BTLA: variants seen among roughly 807,000 people sequenced by gnomAD.
BTLA encodes the protein B- and T-lymphocyte attenuator.
Under a neutral mutation model 25.0 loss-of-function variants are expected in BTLA, and 11 were observed. The ratio of observed to expected loss-of-function variants is 0.44; its 90% CI spans 0.28 to 0.73. The LOEUF is 0.73. Ranked by LOEUF, BTLA falls within the 30% of genes least tolerant of loss-of-function variation. The pLI is 0.15. For missense variants in BTLA, 282 were observed against 332.8 expected (o/e 0.85, Z 1.19); for synonymous variants, 104 against 119.8 (o/e 0.87, Z 0.86).
chr3:112,481,166 C>T (rs954087101), intron 1 of BTLA, among the ~76,000 whole-genome samples: 2 of 152,190 alleles, frequency 1.3e-5, no homozygotes, highest in Non-Finnish European at 2.9e-5. Context: ...TCAGCACTCA[C>T]AAGTTGGAGA....
rs1011127994 is a variant in BTLA at position 112,464,013 on chromosome 3, T to C, written c.*2095A>G. 1.5e-5 allele frequency: 6 copies of C among 389,884 alleles called. No homozygotes were observed. The Admixed American group carries it at 2.2e-4, about 14-fold the overall frequency. 24.2% of individuals were successfully genotyped at this position (389,884 alleles called of 1,614,324 possible). A position where few individuals can be genotyped will look rare whatever the true frequency, so the allele number is the denominator to read the frequency against. On this transcript the variant is annotated 3_prime_UTR_variant, in exon 5 of 5. Transcript: ENST00000334529. ...AACTTTACCTTCTCATTGAGCACAA[T>C]CACAAGCTTAAAATTTGTGAAAAAC...
chr3:112,479,983 C>T (rs2082309378), intron 1 of BTLA, among the ~76,000 whole-genome samples: 1 of 151,692 alleles, frequency 6.6e-6, no homozygotes. Flanking sequence ...CTCTGTCTGT[C>T]AGGCCTTTGA....
intron 1 of BTLA, among the ~76,000 whole-genome samples, chr3:112,496,255 G>T (rs935038353): frequency 1.6e-4 from 24 of 152,290 alleles, no homozygotes; most frequent in African/African-American, 4.8e-4. Flanking sequence ...AGCATGATCT[G>T]CCCATGAAGG....
At chr3:112,466,483 C>G in intron 4 of BTLA, 100 bp from the exon 5 acceptor site, 19 of 1,115,004 alleles carry the variant, frequency 1.7e-5, no homozygotes, top group Non-Finnish European at 2.3e-5. Context: ...GAGTCATGTC[C>G]ATTGTGAGAA....
chr3:112,478,896 C>T (rs573937309), intron 2 of BTLA, among the ~76,000 whole-genome samples: 60 of 152,152 alleles, frequency 3.9e-4, no homozygotes, highest in African/African-American at 1.3e-3. Flanking sequence ...AGGCCTCTTT[C>T]GGGGAACAGG....
chr3:112,476,777 G>A (rs1372249239), intron 2 of BTLA, among the ~76,000 whole-genome samples: 2 of 152,046 alleles, frequency 1.3e-5, no homozygotes, highest in East Asian at 1.9e-4. Context: ...ACGTGACTAC[G>A]ATCTAGATTC....
chr3:112,471,413 C>T lies in BTLA; in HGVS notation c.404-58G>A, dbSNP rs373275569. On this transcript the variant is annotated intron_variant, in intron 2 of 4. Coordinates refer to ENST00000334529, the MANE Select transcript of BTLA (RefSeq NM_181780.4). ...GAAATCTGAGATATATTGGGATCAG[C>T]GGCACCCCTCTGCATTGTCAGAACT... 3.3e-5 allele frequency: 51 copies of T among 1,554,860 alleles called. 1 individual carries two copies. Among genetic ancestry groups the T allele is most frequent in the East Asian group, 1.1e-4 (5 of 44,296 alleles).
intron 1 of BTLA, among the ~76,000 whole-genome samples, chr3:112,497,267 A>T (rs2082414326): frequency 6.6e-6 from 1 of 152,186 alleles, no homozygotes; most frequent in Non-Finnish European, 1.5e-5. Flanking sequence ...CACTTTACCC[A>T]TATTATTGCA....
At chr3:112,469,362 C>G (rs1004263170) in intron 4 of BTLA, among the ~76,000 whole-genome samples, 1 of 152,024 alleles carries the variant, frequency 6.6e-6, no homozygotes. Flanking sequence ...TTCATCAGCT[C>G]CCTACTCTCT....
Position 112,464,154 on chromosome 3 carries a change from A to G in BTLA, c.*1954T>C, listed in dbSNP as rs1369811035. ...AAAATGCATGTATGTCTCTGACACCATTTTGAAAAGGAATAAAAACATAAA... is the reference window on the plus strand; with the variant it reads ...AAAATGCATGTATGTCTCTGACACCGTTTTGAAAAGGAATAAAAACATAAA... On this transcript the variant is annotated 3_prime_UTR_variant, in exon 5 of 5. Coordinates refer to ENST00000334529, the MANE Select transcript of BTLA (RefSeq NM_181780.4). 2 of 397,942 alleles carry G rather than the reference A, an allele frequency of 5.0e-6. No homozygotes were observed. The highest frequency in any genetic ancestry group is 8.9e-6 in the Non-Finnish European group (2 of 225,740). The allele number at this position is 397,942 out of a possible 1,614,324, so 24.7% of individuals were successfully genotyped here.
At chr3:112,489,056 A>T (rs1484686723) in intron 1 of BTLA, among the ~76,000 whole-genome samples, 1 of 152,216 alleles carries the variant, frequency 6.6e-6, no homozygotes, top group Non-Finnish European at 1.5e-5. Context: ...GTGGGCTAAA[A>T]GGCACTGAGG....
At chr3:112,498,111 G>A (rs1026001311) in intron 1 of BTLA, among the ~76,000 whole-genome samples, 2 of 152,136 alleles carry the variant, frequency 1.3e-5, no homozygotes, top group African/African-American at 4.8e-5. Context: ...ACTACTTCTT[G>A]CGAAAATGCT....
At chr3:112,489,491 A>G (rs1412090717) in intron 1 of BTLA, among the ~76,000 whole-genome samples, 1 of 152,224 alleles carries the variant, frequency 6.6e-6, no homozygotes, top group African/African-American at 2.4e-5. Context: ...CCATTGAAAA[A>G]TTCTTACAAA....
At chr3:112,474,014 A>T (rs776912681) in intron 2 of BTLA, among the ~76,000 whole-genome samples, 1 of 151,968 alleles carries the variant, frequency 6.6e-6, no homozygotes, top group South Asian at 2.1e-4. Flanking sequence ...AGCTCTGTCA[A>T]CTTTTCCCCT....
At chr3:112,499,488 A>AAC, upstream of BTLA, 1 of 640,974 alleles carries the variant, frequency 1.6e-6, no homozygotes, top group South Asian at 2.3e-5. Flanking sequence ...AAAAAAAAAA[A>AAC]GAAGAGAGAG....
Position 112,464,010 on chromosome 3 carries a change from C to T in BTLA, c.*2098G>A, listed in dbSNP as rs1250328505. ...AATAACTTTACCTTCTCATTGAGCA[C>T]AATCACAAGCTTAAAATTTGTGAAA... On this transcript the variant is annotated 3_prime_UTR_variant, in exon 5 of 5. Coordinates refer to ENST00000334529, the MANE Select transcript of BTLA (RefSeq NM_181780.4). The T allele has an allele frequency of 1.3e-5, 5 of 394,338 alleles. No homozygotes were observed. The highest frequency in any genetic ancestry group is 8.2e-5 in the African/African-American group (4 of 48,516). The allele number at this position is 394,338 out of a possible 1,614,324, so 24.4% of individuals were successfully genotyped here.
At chr3:112,488,911 C>T (rs747802334) in intron 1 of BTLA, among the ~76,000 whole-genome samples, 1 of 152,114 alleles carries the variant, frequency 6.6e-6, no homozygotes, top group Admixed American at 6.6e-5. Context: ...CGCACCCAGC[C>T]GACATGCATC....
intron 2 of BTLA, among the ~76,000 whole-genome samples, chr3:112,476,511 A>G (rs2082289273): frequency 6.6e-6 from 1 of 152,200 alleles, no homozygotes; most frequent in Non-Finnish European, 1.5e-5. Flanking sequence ...ACTAAACTGT[A>G]CGAGGTTGCA....
chr3:112,490,122 T>A (rs914043242), intron 1 of BTLA, among the ~76,000 whole-genome samples: 1 of 152,076 alleles, frequency 6.6e-6, no homozygotes, highest in African/African-American at 2.4e-5. Flanking sequence ...ACTCACAAAA[T>A]CAGAAATGTG....
Sources: allele counts gnomAD v4.1 joint callset (sites outside exome capture counted in the v4.1 genomes callset), GRCh38; gene constraint gnomAD v4.1.1; transcripts MANE v1.5; gene names NCBI Gene and HGNC (gene_info 2026-07-23, HGNC 2026-07-21).